Variants in JMJD1C observed in about 807,000 individuals in gnomAD.
JMJD1C encodes jumonji domain containing 1C, also known as jumonji domain-containing protein 1C.
Under a neutral mutation model 245.3 loss-of-function variants are expected in JMJD1C, and 31 were observed. That is an observed-to-expected ratio of 0.13 (90% CI 0.09 to 0.17). The LOEUF is 0.17. Among genes scored for constraint, JMJD1C ranks in the 10% least tolerant of loss-of-function variants. The probability of loss-of-function intolerance (pLI) is 1.00; values close to 1 mark genes in which losing one functional copy is unlikely to be tolerated. For synonymous variants in JMJD1C, 1,057 were observed against 1,017.4 expected (o/e 1.04, Z -0.74); for missense variants, 2,691 against 3,000.2 (o/e 0.90, Z 2.41).
chr10:63,427,598 A>C, intron 1 of JMJD1C: 1 of 1,407,010 alleles, frequency 7.1e-7, no homozygotes, highest in South Asian at 1.2e-5. Context: ...TGGAACATCA[A>C]CCATGCCCGG....
intron 18 of JMJD1C, among the ~76,000 whole-genome samples, chr10:63,188,348 T>G (rs1294597296): frequency 6.6e-6 from 1 of 152,328 alleles, no homozygotes; most frequent in East Asian, 1.9e-4. Flanking sequence ...ATTTCTTTTT[T>G]TGGGGTGAAA....
intron 2 of JMJD1C, among the ~76,000 whole-genome samples, chr10:63,297,368 T>G (rs1266165298): frequency 6.6e-6 from 1 of 152,160 alleles, no homozygotes; most frequent in East Asian, 1.9e-4. Context: ...GCTTGGACAC[T>G]CATCAGGACT....
intron 1 of JMJD1C, among the ~76,000 whole-genome samples, chr10:63,426,691 C>T (rs960046002): frequency 6.6e-6 from 1 of 152,086 alleles, no homozygotes; most frequent in Admixed American, 6.6e-5. Context: ...TCATCCCCAA[C>T]ACATACCTTA....
intron 1 of JMJD1C, among the ~76,000 whole-genome samples, chr10:63,520,921 G>C (rs1955197298): frequency 6.6e-6 from 1 of 152,218 alleles, no homozygotes; most frequent in Non-Finnish European, 1.5e-5. Flanking sequence ...GGACGCCTTT[G>C]GTGCTGGGCC....
rs754239510 is a variant in JMJD1C, at chr10:63,207,435, C to T, written c.4234G>A (p.Gly1412Ser). The change falls in exon 10 of 26, where the codon GGT becomes AGT. Residue 1412 changes from glycine to serine, a missense_variant. By Grantham distance (56) the Gly-to-Ser change is moderately conservative (BLOSUM62 0). Coordinates refer to ENST00000399262, the MANE Select transcript of JMJD1C (RefSeq NM_032776.3). ...AAAGAGGAAATTACTTCTGAACCAC[C>T]CCAGCTGGAAACACTGGTAGTATCG... is the stretch of plus-strand genomic sequence containing the variant. ...AADTTSVSSW[G>S]GSEVISSLSN... The T allele has an allele frequency of 1.2e-6, 2 of 1,614,028 alleles. No individual in the cohort carries two copies. Among genetic ancestry groups the T allele is most frequent in the African/African-American group, 2.7e-5 (2 of 74,934 alleles).
intron 2 of JMJD1C, among the ~76,000 whole-genome samples, chr10:63,285,144 C>T (rs900292645): frequency 2.6e-5 from 4 of 152,090 alleles, no homozygotes; most frequent in African/African-American, 9.7e-5. Context: ...AACAAAATGT[C>T]GAGTTATCTC....
At chr10:63,469,172 A>G (rs1953412075), upstream of JMJD1C, among the ~76,000 whole-genome samples, 1 of 152,226 alleles carries the variant, frequency 6.6e-6, no homozygotes, top group African/African-American at 2.4e-5. Flanking sequence ...CTAATATTTT[A>G]TGTCACTATA....
chr10:63,492,474 T>G (rs1412381916), intron 1 of JMJD1C, among the ~76,000 whole-genome samples: 1 of 152,150 alleles, frequency 6.6e-6, no homozygotes, highest in Non-Finnish European at 1.5e-5. Flanking sequence ...AAGACCAGCC[T>G]GGCCAACATG....
chr10:63,266,016 G>A (rs1317603971), intron 2 of JMJD1C, among the ~76,000 whole-genome samples: 2 of 151,926 alleles, frequency 1.3e-5, no homozygotes, highest in Admixed American at 6.6e-5. Context: ...TTCCTAAGAG[G>A]AATTTCAGGT....
intron 2 of JMJD1C, among the ~76,000 whole-genome samples, chr10:63,280,679 G>A (rs989655331): frequency 2.0e-5 from 3 of 151,986 alleles, no homozygotes; most frequent in African/African-American, 7.3e-5. Context: ...ATATTATCTT[G>A]TTCAATCTAC....
chr10:63,377,550 T>C (rs1367020833), intron 2 of JMJD1C, among the ~76,000 whole-genome samples: 3 of 152,032 alleles, frequency 2.0e-5, no homozygotes, highest in South Asian at 2.1e-4. Flanking sequence ...CTGGCCAATA[T>C]GTTGAAAAAC....
chr10:63,275,026 T>C (rs982863365), intron 2 of JMJD1C, among the ~76,000 whole-genome samples: 1 of 152,104 alleles, frequency 6.6e-6, no homozygotes. Flanking sequence ...CAAGATGCTG[T>C]CTCTAAAAAT....
At chr10:63,243,368 A>T (rs1362621906) in intron 3 of JMJD1C, among the ~76,000 whole-genome samples, 1 of 151,766 alleles carries the variant, frequency 6.6e-6, no homozygotes, top group Non-Finnish European at 1.5e-5. Context: ...CTCTACCAAA[A>T]ATACAAAATT....
chr10:63,465,770 C>A lies in JMJD1C; in HGVS notation c.-108G>T. 7.4e-7 allele frequency: 1 copy of A among 1,342,964 alleles called. No individual in the cohort carries two copies. The highest frequency in any genetic ancestry group is 1.0e-6 in the Non-Finnish European group (1 of 962,234). The allele number at this position is 1,342,964 out of a possible 1,614,324, so 83.2% of individuals were successfully genotyped here. A position where few individuals can be genotyped will look rare whatever the true frequency, so the allele number is the denominator to read the frequency against. ...AGGAGAGCGGACCGGGACACAGCAG[C>A]GGACCCGAAAGAGCGCAGACTCGGG... On this transcript the variant is annotated 5_prime_UTR_variant, in exon 1 of 26. Transcript: ENST00000399262.
intron 1 of JMJD1C, among the ~76,000 whole-genome samples, chr10:63,410,415 T>TA (rs1212597649): frequency 6.6e-6 from 1 of 152,158 alleles, no homozygotes; most frequent in Non-Finnish European, 1.5e-5. Context: ...AGGTTACTGT[T>TA]AATACTGTGA....
At chr10:63,239,322 G>A (rs957448016) in intron 3 of JMJD1C, among the ~76,000 whole-genome samples, 1 of 152,146 alleles carries the variant, frequency 6.6e-6, no homozygotes, top group African/African-American at 2.4e-5. Flanking sequence ...TAGTCTAGGC[G>A]GGTAAGGATG....
At chr10:63,388,685 G>C (rs1190176023) in intron 1 of JMJD1C, among the ~76,000 whole-genome samples, 1 of 152,130 alleles carries the variant, frequency 6.6e-6, no homozygotes, top group African/African-American at 2.4e-5. Flanking sequence ...TTAAGTAATA[G>C]AATAACAGGA....
At chr10:63,272,886 C>T (rs906559565) in intron 2 of JMJD1C, among the ~76,000 whole-genome samples, 1 of 152,260 alleles carries the variant, frequency 6.6e-6, no homozygotes, top group South Asian at 2.1e-4. Context: ...TTTTGCTTCT[C>T]AAGTACTTCA....
chr10:63,430,103 A>C (rs902059553), intron 1 of JMJD1C, among the ~76,000 whole-genome samples: 22 of 152,364 alleles, frequency 1.4e-4, no homozygotes, highest in African/African-American at 5.0e-4. Flanking sequence ...GGGGGAAAGA[A>C]GAGTCTCTTA....
Sources: allele counts gnomAD v4.1 joint callset (sites outside exome capture counted in the v4.1 genomes callset), GRCh38; gene constraint gnomAD v4.1.1; transcripts MANE v1.5; gene names NCBI Gene and HGNC (gene_info 2026-07-23, HGNC 2026-07-21).